The following ANKRD26 variants were observed in gnomAD, a reference collection of about 807,000 sequenced individuals.
ANKRD26 encodes ankyrin repeat domain 26.
Under a neutral mutation model 208.7 loss-of-function variants are expected in ANKRD26, and 141 were observed. The observed-to-expected ratio is 0.68, with a 90% CI of 0.59 to 0.78. ANKRD26 has a LOEUF of 0.78. Among genes scored for constraint, ANKRD26 ranks in the 30% least tolerant of loss-of-function variants. The probability of loss-of-function intolerance (pLI) is 0.00; values close to 1 mark genes in which losing one functional copy is unlikely to be tolerated. For missense variants in ANKRD26, 1,889 were observed against 1,938.7 expected, an observed-to-expected ratio of 0.97 and a Z score of 0.48; for synonymous variants, 636 against 660.4, an observed-to-expected ratio of 0.96 and a Z score of 0.57.
At chr10:26,989,227 T>TG (rs1253131835), downstream of ANKRD26, among the ~76,000 whole-genome samples, 4 of 152,092 alleles carry the variant, frequency 2.6e-5, no homozygotes, top group South Asian at 4.1e-4. Flanking sequence ...ATATGAATTT[T>TG]GGGGGGGACT....
intron 15 of ANKRD26, among the ~76,000 whole-genome samples, chr10:27,057,749 C>T (rs1192120610): frequency 6.6e-6 from 1 of 151,960 alleles, no homozygotes; most frequent in African/African-American, 2.4e-5. Flanking sequence ...TCATCCTGGC[C>T]AACATGGTGA....
chr10:27,048,237 G>A (rs1272675449), intron 17 of ANKRD26, among the ~76,000 whole-genome samples: 2 of 152,204 alleles, frequency 1.3e-5, no homozygotes, highest in African/African-American at 2.4e-5. Context: ...ATTAATTTGA[G>A]AGCCCAACAT....
At chr10:27,029,258 T>C in intron 26 of ANKRD26, 28 bp downstream of exon 26, 1 of 1,591,178 alleles carries the variant, frequency 6.3e-7, no homozygotes, top group South Asian at 1.1e-5. Flanking sequence ...AATAATCATG[T>C]TTTTCTGTGT....
intron 15 of ANKRD26, among the ~76,000 whole-genome samples, chr10:27,058,820 C>T (rs1040401327): frequency 6.6e-5 from 10 of 152,160 alleles, no homozygotes; most frequent in Non-Finnish European, 1.5e-4. Flanking sequence ...TCATGATCTG[C>T]CCGCCTCAGC....
At chr10:26,948,288 C>T in the ANKRD26 span, among the ~76,000 whole-genome samples, 1 of 152,168 alleles carries the variant, frequency 6.6e-6, no homozygotes, top group Non-Finnish European at 1.5e-5. Flanking sequence ...TTATAATCAA[C>T]ATTTATCTGC....
At chr10:27,086,768 G>GTTTTTTTT (rs36035101) in intron 4 of ANKRD26, among the ~76,000 whole-genome samples, 159 bp from the exon 5 acceptor site, 4 of 96,976 alleles carry the variant, frequency 4.1e-5, no homozygotes, top group Non-Finnish European at 7.9e-5. Flanking sequence ...AAACTTTTTT[G>GTTTTTTTT]TTTTTTTTTT....
chr10:26,955,360 G>A, the ANKRD26 span, among the ~76,000 whole-genome samples: 12 of 151,752 alleles, frequency 7.9e-5, no homozygotes, highest in South Asian at 1.5e-3. Flanking sequence ...CCTAGGAGGC[G>A]GAGGTTGCAG....
intron 5 of ANKRD26, among the ~76,000 whole-genome samples, chr10:26,976,591 T>G (rs1286301864): frequency 6.6e-6 from 1 of 152,224 alleles, no homozygotes; most frequent in Non-Finnish European, 1.5e-5. Context: ...AGGATAGATT[T>G]GTTTGCTGTA....
chr10:27,050,219 C>CAAAAAAAAAAAAAAAAAA (rs67384671), intron 16 of ANKRD26, among the ~76,000 whole-genome samples: 85 of 33,036 alleles, frequency 2.6e-3, no homozygotes, highest in East Asian at 4.7e-3. Context: ...GAATCTGTCT[C>CAAAAAAAAAAAAAAAAAA]AAAAAAAAAA....
At chr10:27,044,274 AG>A in intron 18 of ANKRD26, 84 bp from the exon 19 acceptor site, 1 of 1,192,232 alleles carries the variant, frequency 8.4e-7, no homozygotes. Context: ...TTTAAATAAA[AG>A]CTCTGCATTT....
At chr10:26,993,070 A>T (rs1005351246) in intron 5 of ANKRD26, among the ~76,000 whole-genome samples, 1 of 152,202 alleles carries the variant, frequency 6.6e-6, no homozygotes, top group Non-Finnish European at 1.5e-5. Flanking sequence ...ATGCCATATA[A>T]CACGTTCAAT....
downstream of ANKRD26, among the ~76,000 whole-genome samples, chr10:27,001,171 T>C (rs1472903719): frequency 2.6e-5 from 4 of 152,202 alleles, no homozygotes; most frequent in Admixed American, 6.5e-5. Flanking sequence ...TCCTTTCTCT[T>C]CCTGAACATT....
Position 27,029,468 on chromosome 10 carries a change from G to A in ANKRD26, c.3808-112C>T. On this transcript the variant is annotated intron_variant, in intron 25 of 33. Transcript: ENST00000376087. ...GAACACAGTCATACCCCTTCAATAT[G>A]CATATTGTTTATGGCTACTTTTGTG... is the stretch of plus-strand genomic sequence containing the variant. The A allele has an allele frequency of 1.1e-5, 11 of 997,022 alleles. No individual in the cohort carries two copies. The South Asian group carries it at 1.1e-4, about 10-fold the overall frequency. 61.8% of individuals were successfully genotyped at this position (997,022 alleles called of 1,614,324 possible).
At chr10:27,083,713 T>C (rs2056010520) in intron 5 of ANKRD26, among the ~76,000 whole-genome samples, 1 of 152,268 alleles carries the variant, frequency 6.6e-6, no homozygotes, top group South Asian at 2.1e-4. Context: ...TGCAAAAGCT[T>C]CCTTGTTTCC....
chr10:27,093,535 G>C lies in ANKRD26; in HGVS notation c.358-13C>G. On this transcript the variant is annotated splice_polypyrimidine_tract_variant and intron_variant, in intron 2 of 33. Transcript: ENST00000376087. ...GGCATTGTACAGCCTGGGAGTATTA[G>C]ACCAAGAAACAGATCATAAATTCTA... 1 of 1,613,948 alleles carries C rather than the reference G, an allele frequency of 6.2e-7. No individual in the cohort carries two copies. The highest frequency in any genetic ancestry group is 2.2e-5 in the East Asian group (1 of 44,882).
In ANKRD26 at chr10:27,013,024, C is replaced by T; in HGVS notation, c.4811G>A (p.Arg1604Lys). The T allele has an allele frequency of 6.2e-7, 1 of 1,614,026 alleles. No homozygotes were observed. Among genetic ancestry groups the T allele is most frequent in the South Asian group, 1.1e-5 (1 of 91,080 alleles). The change falls in exon 32 of 34, where the codon AGG becomes AAG. Residue 1604 changes from arginine (R) to lysine (K), a missense_variant. Transcript: ENST00000376087. ...SRSLFTTLTTRPVMEPPCVGN... is the reference protein window; with the variant it reads ...SRSLFTTLTTKPVMEPPCVGN... Reference sequence around the variant, plus strand: ...CACACAAGGTGGCTCCATGACTGGCCTGGTAGTGAGAGTGGTGAACAAAGA... The same window carrying T: ...CACACAAGGTGGCTCCATGACTGGCTTGGTAGTGAGAGTGGTGAACAAAGA...
chr10:27,051,208 T>G, intron 16 of ANKRD26: 1 of 1,289,898 alleles, frequency 7.8e-7, no homozygotes. Flanking sequence ...GGAGAAGACC[T>G]CACATTTTCT....
At chr10:27,029,428 A>G in intron 25 of ANKRD26, 72 bp from the exon 26 acceptor site, 1 of 1,432,146 alleles carries the variant, frequency 7.0e-7, no homozygotes, top group Non-Finnish European at 9.7e-7. Context: ...CTGTTTTTGT[A>G]ACTAAACCTT....
chr10:27,100,306 C>A lies in ANKRD26; in HGVS notation c.21G>T (p.Lys7Asn), dbSNP rs1382287755. 15 of 1,609,328 alleles carry A rather than the reference C, an allele frequency of 9.3e-6. No homozygotes were observed. The highest frequency in any genetic ancestry group is 1.2e-5 in the Non-Finnish European group (14 of 1,179,806). MKKIFS[K>N]KGESPLGSFA... ...AGGAGCCCAAGGGCGACTCGCCCTT[C>A]TTACTAAAAATCTTCTTCATGGCCC... Residue 7 changes from lysine (K) to asparagine (N), a missense_variant, in exon 1 of 34, where the codon AAG becomes AAT. Lys to Asn is a moderately conservative substitution (Grantham distance 94). Transcript: ENST00000376087.
Sources: allele counts gnomAD v4.1 joint callset (sites outside exome capture counted in the v4.1 genomes callset), GRCh38; gene constraint gnomAD v4.1.1; transcripts MANE v1.5; gene names NCBI Gene and HGNC (gene_info 2026-07-23, HGNC 2026-07-21).